The following CHODL variants were observed in gnomAD, a reference collection of about 807,000 sequenced individuals.
The protein encoded by CHODL is transmembrane protein MT75.
In CHODL, 29 loss-of-function variants were observed where a neutral mutation model predicts 34.5. The ratio of observed to expected loss-of-function variants is 0.84; its 90% CI spans 0.63 to 1.15. The LOEUF is 1.15. CHODL is among the 50% of genes most tolerant of loss of function. The pLI is 0.00. For missense variants in CHODL, 332 were observed against 332.5 expected (o/e 1.00, Z 0.01); for synonymous variants, 125 against 116.1 (o/e 1.08, Z -0.49).
chr21:17,963,520 C>G (rs1264704392), intron 1 of CHODL, among the ~76,000 whole-genome samples: 1 of 152,146 alleles, frequency 6.6e-6, no homozygotes, highest in Non-Finnish European at 1.5e-5. Flanking sequence ...TGCAGGGGAA[C>G]TGCCCTTTAT....
At chr21:18,135,373 T>G (rs903669121) in intron 2 of CHODL, among the ~76,000 whole-genome samples, 2 of 152,128 alleles carry the variant, frequency 1.3e-5, no homozygotes, top group African/African-American at 4.8e-5. Context: ...TGAAGCTTCA[T>G]TCAAGCAAAA....
At chr21:18,198,732 T>C (rs1248450140) in intron 2 of CHODL, among the ~76,000 whole-genome samples, 1 of 152,142 alleles carries the variant, frequency 6.6e-6, no homozygotes, top group Admixed American at 6.5e-5. Context: ...GTCATATTTT[T>C]ACTACATAAA....
intron 4 of CHODL, among the ~76,000 whole-genome samples, chr21:18,260,529 C>T (rs780588380): frequency 6.6e-6 from 1 of 152,084 alleles, no homozygotes; most frequent in Non-Finnish European, 1.5e-5. Context: ...AAATTTGGAT[C>T]TGGCCAGGCA....
intron 2 of CHODL, among the ~76,000 whole-genome samples, chr21:18,074,315 A>G (rs1429851784): frequency 1.3e-5 from 2 of 152,204 alleles, no homozygotes; most frequent in African/African-American, 2.4e-5. Flanking sequence ...CACATGAGCA[A>G]AATTTAATAA....
At chr21:17,975,372 C>A (rs2063653400) in intron 1 of CHODL, among the ~76,000 whole-genome samples, 1 of 152,122 alleles carries the variant, frequency 6.6e-6, no homozygotes, top group African/African-American at 2.4e-5. Flanking sequence ...AAATAATCTA[C>A]ACACCAAATC....
chr21:17,935,377 AT>A lies in CHODL; in HGVS notation c.-145+17978del, dbSNP rs2063311016. ...GTAAGTGGTAGAGCCATGAATTTGA[AT>A]CCAGGTATTCTAGCTTGAGAACCCA... On this transcript the variant is annotated intron_variant, in intron 1 of 6. Coordinates refer to the CHODL transcript ENST00000400127. 5.3e-5 allele frequency among the ~76,000 whole-genome samples: 8 copies of A among 152,290 alleles called. No homozygotes were observed. In the South Asian group the frequency reaches 1.7e-3, roughly 32 times the overall value.
At chr21:18,188,951 T>C (rs759837819) in intron 2 of CHODL, among the ~76,000 whole-genome samples, 11 of 152,234 alleles carry the variant, frequency 7.2e-5, no homozygotes, top group African/African-American at 1.4e-4. Flanking sequence ...CAGTTCAAGA[T>C]TGGACAGACA....
chr21:17,918,596 T>C (rs1375149554), intron 1 of CHODL, among the ~76,000 whole-genome samples: 1 of 152,126 alleles, frequency 6.6e-6, no homozygotes, highest in Non-Finnish European at 1.5e-5. Context: ...ATGGGAATTG[T>C]GGGAGTTGCA....
chr21:18,017,727 C>T (rs920642560), intron 1 of CHODL, among the ~76,000 whole-genome samples: 1 of 152,194 alleles, frequency 6.6e-6, no homozygotes, highest in Non-Finnish European at 1.5e-5. Context: ...ACACAGTGTG[C>T]CCACTGGGCC....
chr21:17,939,397 A>G (rs144697926), intron 1 of CHODL, among the ~76,000 whole-genome samples: 186 of 152,346 alleles, frequency 1.2e-3, no homozygotes, highest in Middle Eastern at 3.4e-3. Flanking sequence ...ATGTTGTCAC[A>G]TATTGCTGAA....
At chr21:18,016,294 G>C (rs1006799872) in intron 1 of CHODL, among the ~76,000 whole-genome samples, 3 of 152,212 alleles carry the variant, frequency 2.0e-5, no homozygotes, top group African/African-American at 7.2e-5. Context: ...TGGCTAAAAG[G>C]GGCCAAGGTG....
At chr21:18,072,912 T>C (rs1344237055) in intron 2 of CHODL, among the ~76,000 whole-genome samples, 1 of 152,192 alleles carries the variant, frequency 6.6e-6, no homozygotes, top group East Asian at 1.9e-4. Flanking sequence ...TACAATGACA[T>C]TTGAAAAATG....
intron 2 of CHODL, among the ~76,000 whole-genome samples, chr21:18,089,194 G>A (rs1215646825): frequency 1.3e-5 from 2 of 152,146 alleles, no homozygotes; most frequent in Non-Finnish European, 2.9e-5. Flanking sequence ...ATAATTTGAT[G>A]CTTCCTTTTC....
intron 2 of CHODL, among the ~76,000 whole-genome samples, chr21:18,233,220 T>C (rs2073999285): frequency 6.6e-6 from 1 of 151,804 alleles, no homozygotes; most frequent in Non-Finnish European, 1.5e-5. Context: ...GAACATATGG[T>C]TTTTGTCTTT....
intron 1 of CHODL, among the ~76,000 whole-genome samples, chr21:18,253,191 A>G (rs1025237960): frequency 1.3e-5 from 2 of 152,104 alleles, no homozygotes; most frequent in Admixed American, 6.6e-5. Flanking sequence ...ATTTTTTAAT[A>G]TATCAGGGAT....
chr21:17,976,495 C>T (rs2063664272), intron 1 of CHODL, among the ~76,000 whole-genome samples: 1 of 152,028 alleles, frequency 6.6e-6, no homozygotes, highest in South Asian at 2.1e-4. Flanking sequence ...TTTCATGTGA[C>T]AATGAGAAGT....
Position 18,190,074 on chromosome 21 carries a change from TTA to T in CHODL, c.-44-66433_-44-66432del, listed in dbSNP as rs200196653. Among the ~76,000 whole-genome samples the T allele has an allele frequency of 1.5e-4, 23 of 152,334 alleles. No homozygotes were observed. The East Asian group carries it at 3.9e-3, about 26-fold the overall frequency. Reference sequence around the variant, plus strand: ...AAAATATGAATAAGTTAGAAATTATTTATGTCATGAAATTTTCATATAATTGG... The same window carrying T: ...AAAATATGAATAAGTTAGAAATTATTTGTCATGAAATTTTCATATAATTGG... On this transcript the variant is annotated intron_variant, in intron 2 of 6. Transcript: ENST00000400127.
At chr21:18,141,194 GA>G (rs2072797665) in intron 2 of CHODL, among the ~76,000 whole-genome samples, 2 of 152,072 alleles carry the variant, frequency 1.3e-5, no homozygotes, top group Admixed American at 1.3e-4. Flanking sequence ...GGGGACCCTT[GA>G]GCTTTATTTG....
At chr21:18,232,379 G>A (rs1253598367) in intron 2 of CHODL, among the ~76,000 whole-genome samples, 6 of 152,006 alleles carry the variant, frequency 3.9e-5, no homozygotes, top group Non-Finnish European at 7.4e-5. Context: ...CTGGAGGCAG[G>A]GAAGTCCAAG....
Sources: gnomAD v4.1 joint callset for allele counts (sites outside exome capture counted in the v4.1 genomes callset) on GRCh38, gnomAD v4.1.1 for gene constraint, MANE v1.5 for transcripts, NCBI Gene and HGNC (gene_info 2026-07-23, HGNC 2026-07-21) for gene names.